Variants in PRIM2 observed in about 807,000 individuals in gnomAD.
PRIM2 encodes DNA primase large subunit.
In PRIM2, 39 loss-of-function variants were observed where a neutral mutation model predicts 67.3. That is an observed-to-expected ratio of 0.58 (90% CI 0.45 to 0.76). PRIM2 has a LOEUF of 0.76. Ranked by LOEUF, PRIM2 falls within the 30% of genes least tolerant of loss-of-function variation. The probability of loss-of-function intolerance (pLI) is 0.00; values close to 1 mark genes in which losing one functional copy is unlikely to be tolerated. For missense variants in PRIM2, 398 were observed against 598.7 expected, an observed-to-expected ratio of 0.66 and a Z score of 3.50; for synonymous variants, 143 against 198.7, an observed-to-expected ratio of 0.72 and a Z score of 2.36.
At chr6:57,269,532 C>T in the PRIM2 span, among the ~76,000 whole-genome samples, 1 of 151,984 alleles carries the variant, frequency 6.6e-6, no homozygotes. Flanking sequence ...GGATATTAGC[C>T]CTTGGTCAGA....
the PRIM2 span, among the ~76,000 whole-genome samples, chr6:57,252,150 C>T: frequency 6.6e-6 from 1 of 152,210 alleles, no homozygotes; most frequent in African/African-American, 2.4e-5. Context: ...ATCTCTCCTT[C>T]CTCAGGAATA....
chr6:57,267,996 A>G, the PRIM2 span, among the ~76,000 whole-genome samples: 1 of 152,098 alleles, frequency 6.6e-6, no homozygotes, highest in African/African-American at 2.4e-5. Context: ...ACAGAAACAT[A>G]ATCCTTTTAA....
chr6:57,469,143 T>C (rs1773276880), intron 7 of PRIM2, among the ~76,000 whole-genome samples: 1 of 152,232 alleles, frequency 6.6e-6, no homozygotes, highest in South Asian at 2.1e-4. Context: ...TAATTGATAT[T>C]CTGTATGAAA....
chr6:57,235,398 A>C, the PRIM2 span, among the ~76,000 whole-genome samples: 4 of 151,860 alleles, frequency 2.6e-5, no homozygotes, highest in South Asian at 2.1e-4. Flanking sequence ...CAGGAGGGGG[A>C]GATTGCAGTG....
chr6:57,349,619 C>T (rs538152063), intron 5 of PRIM2, among the ~76,000 whole-genome samples: 54 of 152,084 alleles, frequency 3.6e-4, no homozygotes, highest in Non-Finnish European at 6.8e-4. Context: ...TAGTTCCACC[C>T]AAGGTGTGTT....
the PRIM2 span, among the ~76,000 whole-genome samples, chr6:57,281,812 G>T: frequency 6.6e-6 from 1 of 152,188 alleles, no homozygotes; most frequent in African/African-American, 2.4e-5. Flanking sequence ...ATTGATAAGT[G>T]ATCTGCAGGC....
intron 7 of PRIM2, among the ~76,000 whole-genome samples, chr6:57,463,940 T>C (rs1320997002): frequency 1.3e-5 from 2 of 152,224 alleles, no homozygotes; most frequent in Non-Finnish European, 2.9e-5. Flanking sequence ...TTTTAGTTGC[T>C]GGAATGCTGA....
At chr6:57,531,999 T>C (rs1199217779) in intron 8 of PRIM2, among the ~76,000 whole-genome samples, 29 of 152,278 alleles carry the variant, frequency 1.9e-4, no homozygotes, top group African/African-American at 6.0e-4. Flanking sequence ...ATAAGGCACC[T>C]GGCATACAGA....
intron 5 of PRIM2, among the ~76,000 whole-genome samples, chr6:57,373,840 T>C (rs557791253): frequency 6.6e-6 from 1 of 152,314 alleles, no homozygotes; most frequent in African/African-American, 2.4e-5. Flanking sequence ...GCTCTTTTGG[T>C]TACTGTAGCC....
At chr6:57,395,022 C>A (rs62415552) in intron 7 of PRIM2, among the ~76,000 whole-genome samples, 1 of 152,122 alleles carries the variant, frequency 6.6e-6, no homozygotes, top group African/African-American at 2.4e-5. Context: ...CCCACTTGAT[C>A]ATGGTGATTA....
chr6:57,436,848 G>C (rs1364923612), intron 7 of PRIM2, among the ~76,000 whole-genome samples: 1 of 152,090 alleles, frequency 6.6e-6, no homozygotes, highest in Non-Finnish European at 1.5e-5. Context: ...TTTGAAATTG[G>C]AACAAAGTGC....
chr6:57,436,125 C>T (rs1465153309), intron 7 of PRIM2, among the ~76,000 whole-genome samples: 2 of 152,028 alleles, frequency 1.3e-5, no homozygotes, highest in African/African-American at 4.8e-5. Context: ...TTATCTCTTC[C>T]TTGGATTCAT....
the PRIM2 span, among the ~76,000 whole-genome samples, chr6:57,236,075 G>A: frequency 6.6e-6 from 1 of 152,218 alleles, no homozygotes; most frequent in African/African-American, 2.4e-5. Context: ...TACGTTTGTA[G>A]TAATAGTTAT....
At chr6:57,283,532 G>A in the PRIM2 span, among the ~76,000 whole-genome samples, 3 of 152,046 alleles carry the variant, frequency 2.0e-5, no homozygotes, top group African/African-American at 7.2e-5. Context: ...TTAATATAGC[G>A]TTAAGTTAGA....
intron 7 of PRIM2, among the ~76,000 whole-genome samples, chr6:57,438,108 T>G (rs1368898791): frequency 7.9e-6 from 1 of 126,818 alleles, no homozygotes; most frequent in Non-Finnish European, 1.8e-5. Flanking sequence ...ATTTTCTGTG[T>G]CGTCTTTTGT....
intron 5 of PRIM2, among the ~76,000 whole-genome samples, chr6:57,330,384 T>TTTTTTTTTTTTTTTTTTTTTTTTG (rs1562696759): frequency 5.7e-5 from 2 of 35,142 alleles, no homozygotes; most frequent in African/African-American, 2.5e-4. Context: ...TGTTTTTTTG[T>TTTTTTTTTTTTTTTTTTTTTTTTG]TTTTTTTTTT....
chr6:57,241,254 G>T, the PRIM2 span, among the ~76,000 whole-genome samples: 2 of 150,284 alleles, frequency 1.3e-5, no homozygotes, highest in Non-Finnish European at 3.0e-5. Context: ...AAAGAAAAAA[G>T]AAAAATTAGC....
intron 7 of PRIM2, among the ~76,000 whole-genome samples, chr6:57,463,913 C>T (rs1331698673): frequency 6.6e-6 from 1 of 152,160 alleles, no homozygotes; most frequent in African/African-American, 2.4e-5. Flanking sequence ...TCTTCCTCTC[C>T]AGTTGTGCTG....
intron 10 of PRIM2, among the ~76,000 whole-genome samples, chr6:57,545,740 A>G (rs1775276615): frequency 6.6e-6 from 1 of 152,178 alleles, no homozygotes; most frequent in Non-Finnish European, 1.5e-5. Context: ...GGCCCCTCCA[A>G]GACCTTATTC....
Sources: gnomAD v4.1 joint callset for allele counts (sites outside exome capture counted in the v4.1 genomes callset) on GRCh38, gnomAD v4.1.1 for gene constraint, MANE v1.5 for transcripts, NCBI Gene and HGNC (gene_info 2026-07-23, HGNC 2026-07-21) for gene names.